GRIN1: variants seen among roughly 807,000 people sequenced by gnomAD.
The protein encoded by GRIN1 is glutamate ionotropic receptor NMDA type subunit 1.
GRIN1 carries 38 observed loss-of-function variants against 103.0 expected under a neutral mutation model. The observed-to-expected ratio is 0.37, with a 90% CI of 0.28 to 0.48. GRIN1 has a LOEUF of 0.48. Ranked by LOEUF, GRIN1 falls within the 20% of genes least tolerant of loss-of-function variation. The probability of loss-of-function intolerance (pLI) is 0.98; values close to 1 mark genes in which losing one functional copy is unlikely to be tolerated. For synonymous variants in GRIN1, 544 were observed against 532.7 expected (o/e 1.02, Z -0.29); for missense variants, 577 against 1,288.9 (o/e 0.45, Z 8.46).
intron 8 of GRIN1, among the ~76,000 whole-genome samples, chr9:137,160,443 T>C (rs1218715179): frequency 6.6e-6 from 1 of 152,038 alleles, no homozygotes; most frequent in African/African-American, 2.4e-5. Flanking sequence ...TGTCTTTTTT[T>C]TTTTGAGACA....
intron 2 of GRIN1, among the ~76,000 whole-genome samples, chr9:137,144,530 C>CT (rs544466627): frequency 1.3e-3 from 201 of 152,170 alleles, no homozygotes; most frequent in African/African-American, 4.6e-3. Flanking sequence ...TGGCGGGCGC[C>CT]TGTAGTCTCA....
At chr9:137,154,100 C>G (rs1233052960) in intron 4 of GRIN1, among the ~76,000 whole-genome samples, 1 of 150,970 alleles carries the variant, frequency 6.6e-6, no homozygotes, top group Non-Finnish European at 1.5e-5. Flanking sequence ...GCATGAGCCA[C>G]CGTGCCTGCC....
Position 137,161,430 on chromosome 9 carries a change from C to A in GRIN1, c.1467+14C>A. On this transcript the variant is annotated intron_variant, in intron 10 of 19. Transcript: ENST00000371561. ...ACACAGGAGCGGGTAGGCTGGACGG[C>A]GGGGGTGGGGACCAGCGTGAGAGGG... 3 of 1,362,484 alleles carry A rather than the reference C, an allele frequency of 2.2e-6. No individual in the cohort carries two copies. The highest frequency in any genetic ancestry group is 2.9e-6 in the Non-Finnish European group (3 of 1,045,112). The allele number at this position is 1,362,484 out of a possible 1,614,324, so 84.4% of individuals were successfully genotyped here.
intron 1 of GRIN1, among the ~76,000 whole-genome samples, chr9:137,141,162 G>A (rs996808504): frequency 1.3e-5 from 2 of 152,240 alleles, no homozygotes; most frequent in African/African-American, 4.8e-5. Flanking sequence ...CCCCCGGCCA[G>A]GTACTGTCCT....
chr9:137,167,287 C>T (rs933327654), intron 19 of GRIN1, 124 bp from the exon 20 acceptor site: 3 of 760,548 alleles, frequency 3.9e-6, no homozygotes, highest in Admixed American at 2.1e-5. Flanking sequence ...GTCAGTCCGG[C>T]TGCGGAGATC....
At chr9:137,160,959 A>C in intron 8 of GRIN1, 97 bp from the exon 9 acceptor site, 1 of 1,492,160 alleles carries the variant, frequency 6.7e-7, no homozygotes, top group Admixed American at 1.8e-5. Context: ...GTCGGGGATT[A>C]AGAGGGGCGC....
intron 3 of GRIN1, among the ~76,000 whole-genome samples, chr9:137,147,308 A>G (rs1375401829): frequency 6.6e-6 from 1 of 150,524 alleles, no homozygotes; most frequent in Non-Finnish European, 1.5e-5. Context: ...CTGGACACGC[A>G]CAGGTGCGCT....
At chr9:137,148,912 T>C in intron 3 of GRIN1, 97 bp from the exon 4 acceptor site, 3 of 863,118 alleles carry the variant, frequency 3.5e-6, no homozygotes, top group Non-Finnish European at 5.7e-6. Flanking sequence ...CTAGCTAAGC[T>C]GCCTCGGGGT....
Position 137,161,371 on chromosome 9 carries a change from C to T in GRIN1, c.1422C>T (p.Tyr474=), listed in dbSNP as rs1233409303. 8.1e-6 allele frequency: 13 copies of T among 1,612,396 alleles called. No homozygotes were observed. Among genetic ancestry groups the T allele is most frequent in the Non-Finnish European group, 1.0e-5 (12 of 1,179,790 alleles). ...IKLARTMNFT[Y]EVHLVADGKF... ...TGGCACGGACCATGAACTTCACCTA[C>T]GAGGTGCACCTGGTGGCAGATGGCA... Residue 474 remains tyrosine (Y), a synonymous_variant, in exon 10 of 20, where the codon TAC becomes TAT. Coordinates refer to ENST00000371561, the MANE Select transcript of GRIN1 (RefSeq NM_007327.4).
chr9:137,148,341 G>A (rs1233023680), intron 3 of GRIN1: 2 of 656,934 alleles, frequency 3.0e-6, no homozygotes, highest in African/African-American at 1.8e-5. Context: ...GAGGCAGCCG[G>A]CAGCAGGCAG....
chr9:137,148,289 T>C (rs1832660702), intron 3 of GRIN1: 1 of 971,078 alleles, frequency 1.0e-6, no homozygotes, highest in Non-Finnish European at 1.6e-6. Flanking sequence ...CTAGGGCCAC[T>C]GTCTGGCCCA....
At chr9:137,165,574 G>A (rs781182642) in intron 19 of GRIN1, among the ~76,000 whole-genome samples, 4 of 152,168 alleles carry the variant, frequency 2.6e-5, no homozygotes, top group African/African-American at 9.7e-5. Flanking sequence ...CTTGAAGCCT[G>A]TCATCTCGTT....
At chr9:137,151,221 G>T (rs1381413318) in intron 4 of GRIN1, among the ~76,000 whole-genome samples, 3 of 119,956 alleles carry the variant, frequency 2.5e-5, no homozygotes, top group Non-Finnish European at 3.4e-5. Context: ...AAAAAGTCGC[G>T]CCTGGTGAAA....
intron 4 of GRIN1, among the ~76,000 whole-genome samples, chr9:137,154,432 CTTT>C (rs543160973): frequency 1.4e-4 from 6 of 43,004 alleles, no homozygotes; most frequent in African/African-American, 5.7e-4. Context: ...GCTCCAACAA[CTTT>C]TTTTTTTTTT....
intron 12 of GRIN1, 51 bp from the exon 13 acceptor site, chr9:137,162,353 G>A (rs929829674): frequency 1.8e-5 from 27 of 1,534,870 alleles, no homozygotes; most frequent in Admixed American, 1.1e-4. Context: ...CAGGGGCGGG[G>A]CAGGGCCGCC....
chr9:137,144,690 G>T (rs1832394348), intron 2 of GRIN1, among the ~76,000 whole-genome samples: 1 of 144,882 alleles, frequency 6.9e-6, no homozygotes, highest in Admixed American at 6.8e-5. Context: ...AGGGGTGGGA[G>T]ACAGGAGGGG....
At chr9:137,158,341 G>T (rs768859665) in intron 6 of GRIN1, 38 bp from the exon 7 acceptor site, 1 of 1,609,600 alleles carries the variant, frequency 6.2e-7, no homozygotes, top group South Asian at 1.1e-5. Flanking sequence ...AGGAGAAGGA[G>T]CATCTCTGAG....
At chr9:137,143,808 G>A (rs1373926865) in intron 2 of GRIN1, among the ~76,000 whole-genome samples, 2 of 152,226 alleles carry the variant, frequency 1.3e-5, no homozygotes, top group Non-Finnish European at 2.9e-5. Flanking sequence ...GGAAGCCTCA[G>A]AGGACCACAA....
rs1038643973 is a variant in GRIN1 at position 137,139,158 on chromosome 9, T to C, written c.-329T>C. On this transcript the variant is annotated 5_prime_UTR_variant, in exon 1 of 20. Coordinates refer to ENST00000371561, the MANE Select transcript of GRIN1 (RefSeq NM_007327.4). The surrounding 1 kb of genome is among the most constrained non-coding windows in gnomAD (Gnocchi z 7.7). ...GCTCGCGTTTCTGCAGCTGCTGCAG[T>C]CGCCGCAGCGTCCGGACCGGAACCA... The C allele has an allele frequency of 1.3e-5, 2 of 154,290 alleles. No individual in the cohort carries two copies. The highest frequency in any genetic ancestry group is 4.8e-5 in the African/African-American group (2 of 41,438). 9.6% of individuals were successfully genotyped at this position (154,290 alleles called of 1,614,324 possible). A position where few individuals can be genotyped will look rare whatever the true frequency, so the allele number is the denominator to read the frequency against.
Sources: allele counts gnomAD v4.1 joint callset (sites outside exome capture counted in the v4.1 genomes callset), GRCh38; gene constraint gnomAD v4.1.1; non-coding constraint Gnocchi (gnomAD v3.1); transcripts MANE v1.5; gene names NCBI Gene and HGNC (gene_info 2026-07-23, HGNC 2026-07-21).